The following CCDC7 variants were observed in gnomAD, a reference collection of about 807,000 sequenced individuals.
The protein encoded by CCDC7 is coiled-coil domain-containing protein 7.
In CCDC7, 183 loss-of-function variants were observed where a neutral mutation model predicts 196.9. The ratio of observed to expected loss-of-function variants is 0.93; its 90% confidence interval spans 0.82 to 1.05. The LOEUF (loss-of-function observed/expected upper bound fraction) is 1.05, where lower values mean the gene tolerates loss of function less well. Among genes scored for constraint, CCDC7 ranks in the 50% least tolerant of loss-of-function variants. The pLI is 0.00. For synonymous variants in CCDC7, 525 were observed against 484.6 expected (o/e 1.08, Z -1.10); for missense variants, 1,540 against 1,482.2 (o/e 1.04, Z -0.64).
At chr10:32,691,449 C>G (rs540847177) in intron 23 of CCDC7, among the ~76,000 whole-genome samples, 1 of 152,076 alleles carries the variant, frequency 6.6e-6, no homozygotes, top group Admixed American at 6.5e-5. Flanking sequence ...TTAGGTCACA[C>G]TGTTCACTGG....
intron 3 of CCDC7, among the ~76,000 whole-genome samples, chr10:32,461,738 T>TGTAC (rs2035762891): frequency 1.4e-5 from 1 of 72,042 alleles, no homozygotes; most frequent in Non-Finnish European, 2.6e-5. Context: ...TATGTATATA[T>TGTAC]ATATATATAT....
At chr10:32,757,152 G>A (rs996433362) in intron 28 of CCDC7, among the ~76,000 whole-genome samples, 1 of 152,006 alleles carries the variant, frequency 6.6e-6, no homozygotes, top group Admixed American at 6.6e-5. Flanking sequence ...CAATAATAAT[G>A]GGAGACTTTA....
chr10:32,807,830 A>C (rs1184277471), intron 30 of CCDC7, among the ~76,000 whole-genome samples: 1 of 151,992 alleles, frequency 6.6e-6, no homozygotes, highest in African/African-American at 2.4e-5. Flanking sequence ...TCCTGGGTTC[A>C]AGTGATTCTT....
chr10:32,497,099 T>C (rs1373250573), intron 9 of CCDC7, among the ~76,000 whole-genome samples: 5 of 152,224 alleles, frequency 3.3e-5, no homozygotes, highest in Admixed American at 3.3e-4. Context: ...GGGATTTGAC[T>C]TCTTCCTGGT....
At chr10:32,716,175 G>C (rs1378099752) in intron 25 of CCDC7, among the ~76,000 whole-genome samples, 1 of 152,184 alleles carries the variant, frequency 6.6e-6, no homozygotes, top group Non-Finnish European at 1.5e-5. Flanking sequence ...TACCCACAAA[G>C]GGAAGCCCAT....
rs139425063 is a variant in CCDC7 at position 32,688,277 on chromosome 10, T to C, written c.2234-776T>C. On this transcript the variant is annotated intron_variant, in intron 22 of 41. Coordinates refer to ENST00000639629, the Ensembl canonical transcript of CCDC7. ...AGGTGAACCTGAGAGATCTTTATTC[T>C]TTCAAATTTAATATAAATCTCAAAC... Among the ~76,000 whole-genome samples the C allele has an allele frequency of 3.9e-5, 6 of 152,274 alleles. No homozygotes were observed. The East Asian group carries it at 1.2e-3, about 29-fold the overall frequency.
intron 41 of CCDC7, among the ~76,000 whole-genome samples, chr10:32,867,208 G>A (rs1429612668): frequency 6.6e-6 from 1 of 151,562 alleles, no homozygotes; most frequent in African/African-American, 2.4e-5. Flanking sequence ...TTATGAATTA[G>A]ATGGTAAGTT....
intron 24 of CCDC7, among the ~76,000 whole-genome samples, chr10:32,706,552 A>G (rs1479337830): frequency 1.3e-5 from 2 of 152,142 alleles, no homozygotes; most frequent in Middle Eastern, 3.2e-3. Flanking sequence ...GAAACAGTCA[A>G]CAGAATAGAT....
At chr10:32,704,051 C>T (rs2079253084) in intron 24 of CCDC7, among the ~76,000 whole-genome samples, 2 of 152,154 alleles carry the variant, frequency 1.3e-5, no homozygotes, top group South Asian at 4.1e-4. Context: ...TGTTCCATTG[C>T]TGGCGAGCAG....
intron 23 of CCDC7, among the ~76,000 whole-genome samples, chr10:32,693,438 G>T (rs1020265570): frequency 6.6e-6 from 1 of 151,498 alleles, no homozygotes; most frequent in Non-Finnish European, 1.5e-5. Context: ...CCCAAAGATG[G>T]CATTCAAGTT....
intron 20 of CCDC7, among the ~76,000 whole-genome samples, chr10:32,654,538 G>T (rs116322458): frequency 5.9e-5 from 9 of 152,226 alleles, no homozygotes; most frequent in African/African-American, 1.7e-4. Flanking sequence ...TATATATTTT[G>T]TTGTTTGTAA....
intron 20 of CCDC7, among the ~76,000 whole-genome samples, chr10:32,652,586 G>T (rs1228353569): frequency 2.6e-5 from 4 of 151,692 alleles, no homozygotes; most frequent in Admixed American, 1.3e-4. Flanking sequence ...TTTTCACTTT[G>T]TGGTTACCGT....
At chr10:32,503,804 G>T (rs1000169310) in intron 9 of CCDC7, among the ~76,000 whole-genome samples, 10 of 152,010 alleles carry the variant, frequency 6.6e-5, no homozygotes, top group African/African-American at 2.4e-4. Flanking sequence ...ACACTTCTTG[G>T]TCATTATTGG....
At chr10:32,558,709 A>C (rs2054782415) in intron 13 of CCDC7, among the ~76,000 whole-genome samples, 1 of 152,224 alleles carries the variant, frequency 6.6e-6, no homozygotes. Flanking sequence ...GAATAGGAAC[A>C]GCTCCGGTCT....
At chr10:32,797,237 A>T (rs1392987057) in intron 29 of CCDC7, among the ~76,000 whole-genome samples, 1 of 150,996 alleles carries the variant, frequency 6.6e-6, no homozygotes, top group East Asian at 1.9e-4. Flanking sequence ...ATATGTGTAT[A>T]TATATGCGTA....
chr10:32,642,745 C>T (rs2067067607), intron 20 of CCDC7, among the ~76,000 whole-genome samples: 1 of 152,214 alleles, frequency 6.6e-6, no homozygotes, highest in African/African-American at 2.4e-5. Context: ...TCTTCTGCGT[C>T]ACTCACACTG....
At chr10:32,658,289 A>G (rs1445136805) in intron 20 of CCDC7, among the ~76,000 whole-genome samples, 2 of 152,208 alleles carry the variant, frequency 1.3e-5, no homozygotes, top group Non-Finnish European at 2.9e-5. Context: ...AGACTAGGTA[A>G]TTTATAGAAA....
intron 25 of CCDC7, among the ~76,000 whole-genome samples, chr10:32,723,059 C>A (rs554909082): frequency 6.6e-6 from 1 of 152,082 alleles, no homozygotes; most frequent in Non-Finnish European, 1.5e-5. Flanking sequence ...CTTTATTAAT[C>A]AGGATCCATT....
At chr10:32,767,705 C>T (rs922439590) in intron 28 of CCDC7, among the ~76,000 whole-genome samples, 5 of 152,090 alleles carry the variant, frequency 3.3e-5, no homozygotes, top group Admixed American at 2.6e-4. Context: ...AATGCCCAGA[C>T]ATTAACAAAT....
Sources: allele counts gnomAD v4.1 joint callset (sites outside exome capture counted in the v4.1 genomes callset), GRCh38; gene constraint gnomAD v4.1.1; transcripts MANE v1.5; gene names NCBI Gene and HGNC (gene_info 2026-07-23, HGNC 2026-07-21).